Variants in TXNDC12 observed in about 807,000 individuals in gnomAD.
TXNDC12 encodes the protein thioredoxin domain containing 12.
TXNDC12 carries 22 observed loss-of-function variants against 24.2 expected under a neutral mutation model. The observed-to-expected ratio is 0.91, with a 90% confidence interval of 0.65 to 1.30. The LOEUF (loss-of-function observed/expected upper bound fraction) is 1.30. TXNDC12 is among the 50% of genes most tolerant of loss of function. TXNDC12 has a pLI of 0.00. For missense variants in TXNDC12, 184 were observed against 205.8 expected, an observed-to-expected ratio of 0.89 and a Z score of 0.65; for synonymous variants, 58 against 73.4, an observed-to-expected ratio of 0.79 and a Z score of 1.07.
At chr1:52,028,765 T>C (rs1685710442) in intron 2 of TXNDC12, 135 bp from the exon 3 acceptor site, 1 of 727,482 alleles carries the variant, frequency 1.4e-6, no homozygotes, top group Non-Finnish European at 2.3e-6. Flanking sequence ...TCAATAATAA[T>C]AGATAATTGC....
At chr1:52,035,681 C>T (rs926270463) in intron 2 of TXNDC12, among the ~76,000 whole-genome samples, 9 of 152,130 alleles carry the variant, frequency 5.9e-5, no homozygotes, top group Non-Finnish European at 2.9e-5. Flanking sequence ...CACTGCACTC[C>T]AGCCTGGGCA....
At chr1:52,023,464 T>A in intron 6 of TXNDC12, 27 bp downstream of exon 6, 2 of 1,580,950 alleles carry the variant, frequency 1.3e-6, no homozygotes, top group South Asian at 2.2e-5. Context: ...CTAGCAATAA[T>A]CCTCCCTCCC....
intron 6 of TXNDC12, 45 bp downstream of exon 6, chr1:52,023,446 A>G: frequency 4.1e-6 from 6 of 1,472,552 alleles, no homozygotes; most frequent in Non-Finnish European, 5.7e-6. Context: ...GGTTCATCCT[A>G]GTTCAATCTA....
At chr1:52,037,207 C>CTTTTT (rs34590025) in intron 2 of TXNDC12, among the ~76,000 whole-genome samples, 1 of 123,538 alleles carries the variant, frequency 8.1e-6, no homozygotes. Flanking sequence ...AATAGACCAC[C>CTTTTT]TTTTTTTTTT....
intron 1 of TXNDC12, among the ~76,000 whole-genome samples, chr1:52,042,650 T>C (rs1224446504): frequency 6.6e-6 from 1 of 151,500 alleles, no homozygotes; most frequent in East Asian, 1.9e-4. Context: ...GAGATGGAGT[T>C]TTGCTCTTGT....
At chr1:52,036,017 C>T (rs1201405396) in intron 2 of TXNDC12, among the ~76,000 whole-genome samples, 1 of 152,126 alleles carries the variant, frequency 6.6e-6, no homozygotes, top group Non-Finnish European at 1.5e-5. Context: ...ATACCAATCT[C>T]AAAAAGTTGT....
intron 5 of TXNDC12, among the ~76,000 whole-genome samples, chr1:52,024,210 G>T (rs185149396): frequency 1.7e-4 from 26 of 152,168 alleles, no homozygotes; most frequent in Middle Eastern, 3.4e-3. Flanking sequence ...GCCCATGCTG[G>T]TCTCAAATTG....
chr1:52,041,559 C>T lies in TXNDC12; in HGVS notation c.136G>A (p.Gly46Arg). 1 of 1,612,722 alleles carries T rather than the reference C, an allele frequency of 6.2e-7. No individual in the cohort carries two copies. Among genetic ancestry groups the T allele is most frequent in the Non-Finnish European group, 8.5e-7 (1 of 1,179,192 alleles). Residue 46 changes from glycine (G) to arginine (R), a missense_variant, in exon 2 of 7, where the codon GGG becomes AGG. Physicochemically the swap from Gly to Arg is moderately radical, Grantham distance 125 (BLOSUM62 -2). Transcript: ENST00000371626. The part of the protein sequence containing the change: ...DHIHWRTLED[G>R]KKEAAASGLP... ...TACCTGGCAGCTGCTTCTTTCTTCC[C>T]ATCTTCCAGTGTCCTCCAATGAATA...
Position 52,041,606 on chromosome 1 carries a change from A to G in TXNDC12, c.98-9T>C, listed in dbSNP as rs1423640002. 6.2e-7 allele frequency: 1 copy of G among 1,601,884 alleles called. No homozygotes were observed. The highest frequency in any genetic ancestry group is 8.5e-7 in the Non-Finnish European group (1 of 1,171,228). ...AATATGATCTCCAAAACCTGGAAGGAAAGAACTTTATAAGCATTCACATAA... is the reference window on the plus strand; with the variant it reads ...AATATGATCTCCAAAACCTGGAAGGGAAGAACTTTATAAGCATTCACATAA... On this transcript the variant is annotated splice_polypyrimidine_tract_variant and intron_variant, in intron 1 of 6. Transcript: ENST00000371626.
chr1:52,032,597 T>C, intron 2 of TXNDC12: 1 of 1,493,190 alleles, frequency 6.7e-7, no homozygotes, highest in Non-Finnish European at 8.9e-7. Context: ...TCTAGTACAG[T>C]ACTGCATCGA....
intron 1 of TXNDC12, among the ~76,000 whole-genome samples, chr1:52,048,960 T>C (rs953200262): frequency 6.6e-6 from 1 of 152,112 alleles, no homozygotes; most frequent in Non-Finnish European, 1.5e-5. Context: ...TTATTACTAA[T>C]AGAGACCTAG....
intron 2 of TXNDC12, among the ~76,000 whole-genome samples, chr1:52,030,855 C>A (rs1405235868): frequency 6.6e-6 from 1 of 152,130 alleles, no homozygotes; most frequent in Non-Finnish European, 1.5e-5. Context: ...TCTAAAGACT[C>A]CTTTGTGATA....
At chr1:52,044,932 G>A (rs568847221) in intron 1 of TXNDC12, among the ~76,000 whole-genome samples, 49 of 151,086 alleles carry the variant, frequency 3.2e-4, no homozygotes, top group African/African-American at 1.0e-3. Flanking sequence ...TTGAGATCAC[G>A]CCACCACACT....
chr1:52,033,909 C>G lies in TXNDC12; in HGVS notation c.159-5279G>C. 6 of 1,431,380 alleles carry G rather than the reference C, an allele frequency of 4.2e-6. No homozygotes were observed. The South Asian group carries it at 9.0e-5, about 21-fold the overall frequency. The allele number at this position is 1,431,380 out of a possible 1,614,324, so 88.7% of individuals were successfully genotyped here. A position where few individuals can be genotyped will look rare whatever the true frequency, so the allele number is the denominator to read the frequency against. ...TTTCTATGGAAACAGGAGTTCTACG[C>G]CAGCTAGGCCCAGGTTCAGCTTTCT... On this transcript the variant is annotated intron_variant, in intron 2 of 6. Coordinates refer to ENST00000371626, the MANE Select transcript of TXNDC12 (RefSeq NM_015913.4).
chr1:52,043,091 G>A (rs1686026358), intron 1 of TXNDC12, among the ~76,000 whole-genome samples: 1 of 152,134 alleles, frequency 6.6e-6, no homozygotes. Flanking sequence ...AGAGTAGCAC[G>A]CACTCTCTCC....
intron 2 of TXNDC12, 98 bp downstream of exon 2, chr1:52,041,439 T>C (rs1048601384): frequency 4.4e-5 from 31 of 709,172 alleles, no homozygotes; most frequent in Admixed American, 1.2e-4. Context: ...ATTCAGTTCT[T>C]GCTCTGCCTT....
chr1:52,048,164 T>G (rs1011527997), intron 1 of TXNDC12, among the ~76,000 whole-genome samples: 1 of 152,196 alleles, frequency 6.6e-6, no homozygotes, highest in Admixed American at 6.5e-5. Flanking sequence ...ACCTCTACGA[T>G]GCTTATAAAA....
In TXNDC12 at chr1:52,046,853, TAA is replaced by T. The variant is rs753854382; in HGVS notation, c.98-5258_98-5257del. On this transcript the variant is annotated intron_variant, in intron 1 of 6. Coordinates refer to ENST00000371626, the MANE Select transcript of TXNDC12 (RefSeq NM_015913.4). Reference sequence around the variant, plus strand: ...CAACATGGTGAAACCCCATCTCTACTAAAAAAAAAAAAAATATATATATATAT... The same window carrying T: ...CAACATGGTGAAACCCCATCTCTACTAAAAAAAAAAAATATATATATATAT... 9.1e-3 allele frequency among the ~76,000 whole-genome samples: 1,163 copies of T among 127,558 alleles called. 12 individuals are homozygous for T. Among genetic ancestry groups the T allele is most frequent in the African/African-American group, 0.014 (457 of 31,522 alleles). 83.7% of individuals were successfully genotyped at this position (127,558 alleles called of 152,430 possible).
chr1:52,029,952 G>A lies in TXNDC12; in HGVS notation c.159-1322C>T, dbSNP rs146555842. Among the ~76,000 whole-genome samples, 8 of 152,272 alleles carry A rather than the reference G, an allele frequency of 5.3e-5. No homozygotes were observed. In the East Asian group the frequency reaches 1.5e-3, roughly 29 times the overall value. ...TGCTGAACGTTTATTATATGACATT[G>A]TGCTGTATATGCATTATCTCATTTA... On this transcript the variant is annotated intron_variant, in intron 2 of 6. Transcript: ENST00000371626.
Sources: allele counts gnomAD v4.1 joint callset (sites outside exome capture counted in the v4.1 genomes callset), GRCh38; gene constraint gnomAD v4.1.1; transcripts MANE v1.5; gene names NCBI Gene and HGNC (gene_info 2026-07-23, HGNC 2026-07-21).